The following ASZ1 variants were observed in gnomAD, a reference collection of about 807,000 sequenced individuals.
ASZ1 encodes the protein ankyrin repeat, SAM and basic leucine zipper domain-containing protein 1.
ASZ1 carries 67 observed loss-of-function variants against 61.8 expected under a neutral mutation model. The observed-to-expected ratio is 1.08, with a 90% CI of 0.89 to 1.33. ASZ1 has a LOEUF of 1.33. ASZ1 is among the 40% of genes most tolerant of loss of function. The probability of loss-of-function intolerance (pLI) is 0.00; values close to 1 mark genes in which losing one functional copy is unlikely to be tolerated. For missense variants in ASZ1, 577 were observed against 554.5 expected (o/e 1.04, Z -0.41); for synonymous variants, 193 against 192.7 (o/e 1.00, Z -0.01).
At chr7:117,412,301 A>G (rs1190299267) in intron 4 of ASZ1, among the ~76,000 whole-genome samples, 1 of 151,904 alleles carries the variant, frequency 6.6e-6, no homozygotes, top group Non-Finnish European at 1.5e-5. Context: ...AAGAAAAACT[A>G]CAACATAAAT....
intron 2 of ASZ1, 32 bp downstream of exon 2, chr7:117,426,804 G>C (rs373188600): frequency 3.2e-4 from 491 of 1,539,672 alleles, no homozygotes; most frequent in Non-Finnish European, 3.9e-4. Context: ...TAAGACAGCT[G>C]TGTTCAGATG....
intron 12 of ASZ1, among the ~76,000 whole-genome samples, chr7:117,364,312 A>C (rs1233956970): frequency 6.6e-6 from 1 of 152,170 alleles, no homozygotes; most frequent in Non-Finnish European, 1.5e-5. Flanking sequence ...CTAACTTCCC[A>C]GATGCAAATT....
intron 4 of ASZ1, among the ~76,000 whole-genome samples, chr7:117,397,897 C>G (rs1424033644): frequency 6.6e-6 from 1 of 152,218 alleles, no homozygotes; most frequent in Non-Finnish European, 1.5e-5. Flanking sequence ...CCACTCTGGC[C>G]TCTGGTTGTC....
At chr7:117,412,039 A>AGTGTGTGTGTGT (rs57672347) in intron 4 of ASZ1, among the ~76,000 whole-genome samples, 2 of 128,370 alleles carry the variant, frequency 1.6e-5, no homozygotes, top group African/African-American at 5.5e-5. Context: ...AGTGAAAAGA[A>AGTGTGTGTGTGT]GTGTGTGTGT....
chr7:117,426,396 A>T (rs1231872413), intron 2 of ASZ1, among the ~76,000 whole-genome samples: 1 of 143,924 alleles, frequency 6.9e-6, no homozygotes, highest in Non-Finnish European at 1.5e-5. Flanking sequence ...AGGGTGAGGC[A>T]GGAGAATCGC....
intron 4 of ASZ1, among the ~76,000 whole-genome samples, chr7:117,386,396 A>C (rs1019194940): frequency 1.3e-5 from 2 of 152,200 alleles, no homozygotes; most frequent in African/African-American, 4.8e-5. Flanking sequence ...ATATTCTCTT[A>C]AGAGTACTTT....
intron 12 of ASZ1, among the ~76,000 whole-genome samples, chr7:117,366,944 TC>T (rs1795951886): frequency 6.6e-6 from 1 of 152,184 alleles, no homozygotes. Context: ...ATTAAGTTGT[TC>T]TCCTAGTATA....
chr7:117,403,099 G>A (rs1051240024), intron 4 of ASZ1, among the ~76,000 whole-genome samples: 2 of 152,150 alleles, frequency 1.3e-5, no homozygotes, highest in African/African-American at 4.8e-5. Context: ...AGATGGTAAA[G>A]GTCCGTTGTT....
chr7:117,371,585 T>G (rs1437680116), intron 10 of ASZ1, among the ~76,000 whole-genome samples: 1 of 152,156 alleles, frequency 6.6e-6, no homozygotes, highest in African/African-American at 2.4e-5. Context: ...AACACAGAAC[T>G]TAGGGTATAT....
chr7:117,393,422 A>ATTAAAAGATATG (rs1472125138), intron 4 of ASZ1, among the ~76,000 whole-genome samples: 3 of 152,064 alleles, frequency 2.0e-5, no homozygotes, highest in African/African-American at 7.2e-5. Context: ...AAAGCCATGT[A>ATTAAAAGATATG]TATTAAAACT....
Position 117,409,341 on chromosome 7 carries a change from A to G in ASZ1, c.440+10822T>C, listed in dbSNP as rs564461074. Among the ~76,000 whole-genome samples, 81 of 152,130 alleles carry G rather than the reference A, an allele frequency of 5.3e-4. 1 individual carries two copies. Among genetic ancestry groups the G allele is most frequent in the African/African-American group, 1.5e-3 (63 of 41,578 alleles). ...AGGAAAGAATTTATTTTAAAAAATT[A>G]TTCAGAATTCTAATAGTTAAAAGTT... On this transcript the variant is annotated intron_variant, in intron 4 of 12. Coordinates refer to ENST00000284629, the MANE Select transcript of ASZ1 (RefSeq NM_130768.3).
At chr7:117,375,981 G>C (rs559409217) in intron 10 of ASZ1, among the ~76,000 whole-genome samples, 1 of 151,874 alleles carries the variant, frequency 6.6e-6, no homozygotes, top group East Asian at 1.9e-4. Flanking sequence ...AGAAATCAAT[G>C]ACACTAAAAG....
chr7:117,379,736 T>C (rs1325957695), intron 10 of ASZ1, among the ~76,000 whole-genome samples: 3 of 151,822 alleles, frequency 2.0e-5, no homozygotes, highest in African/African-American at 7.2e-5. Context: ...AGAAGACATA[T>C]TGTTTGCTTC....
chr7:117,367,152 T>C (rs893042139), intron 12 of ASZ1, among the ~76,000 whole-genome samples, 200 bp downstream of exon 12: 2 of 152,186 alleles, frequency 1.3e-5, no homozygotes, highest in African/African-American at 2.4e-5. Context: ...AAATGACATA[T>C]TCTTCTTTTA....
intron 4 of ASZ1, among the ~76,000 whole-genome samples, chr7:117,391,384 T>C (rs1479648897): frequency 6.6e-6 from 1 of 152,132 alleles, no homozygotes. Context: ...TTGCATAGGG[T>C]AAGGTCCAGA....
At chr7:117,426,734 G>C in intron 2 of ASZ1, 102 bp downstream of exon 2, 1 of 1,008,098 alleles carries the variant, frequency 9.9e-7, no homozygotes, top group Non-Finnish European at 1.5e-6. Flanking sequence ...ATTAACATTT[G>C]TTGCGTTTCC....
intron 4 of ASZ1, among the ~76,000 whole-genome samples, chr7:117,390,927 C>G (rs1796454340): frequency 6.6e-6 from 1 of 152,128 alleles, no homozygotes; most frequent in Non-Finnish European, 1.5e-5. Flanking sequence ...TGGTCTTGAC[C>G]TCCTGACTTT....
chr7:117,385,289 C>T (rs566012935), intron 5 of ASZ1, among the ~76,000 whole-genome samples: 5 of 151,032 alleles, frequency 3.3e-5, no homozygotes, highest in Admixed American at 6.6e-5. Context: ...GATGGAGTTT[C>T]GCTCTTGTTG....
rs781622328 is a variant in ASZ1, at chr7:117,427,474, G to C, written c.-14C>G. On this transcript the variant is annotated 5_prime_UTR_variant, in exon 1 of 13. Coordinates refer to ENST00000284629, the MANE Select transcript of ASZ1 (RefSeq NM_130768.3). ...GCTCGCCGCCATGCCAGCCAAGGAAGCTCCCTGTCGGCACCGCGCGCCCTT... is the reference window on the plus strand; with the variant it reads ...GCTCGCCGCCATGCCAGCCAAGGAACCTCCCTGTCGGCACCGCGCGCCCTT... The C allele has an allele frequency of 6.2e-7, 1 of 1,613,252 alleles. No individual in the cohort carries two copies. The highest frequency in any genetic ancestry group is 1.1e-5 in the South Asian group (1 of 91,030).
Sources: gnomAD v4.1 joint callset for allele counts (sites outside exome capture counted in the v4.1 genomes callset) on GRCh38, gnomAD v4.1.1 for gene constraint, MANE v1.5 for transcripts, NCBI Gene and HGNC (gene_info 2026-07-23, HGNC 2026-07-21) for gene names.